The following ZMAT4 variants were observed in gnomAD, a reference collection of about 807,000 sequenced individuals.
ZMAT4 encodes the protein zinc finger matrin-type protein 4.
Under a neutral mutation model 28.7 loss-of-function variants are expected in ZMAT4, and 17 were observed. That is an observed-to-expected ratio of 0.59 (90% CI 0.41 to 0.89). The LOEUF (loss-of-function observed/expected upper bound fraction) is 0.89, where lower values mean the gene tolerates loss of function less well. Among genes scored for constraint, ZMAT4 ranks in the 40% least tolerant of loss-of-function variants. ZMAT4 has a pLI of 0.00. For missense variants in ZMAT4, 240 were observed against 283.8 expected, an observed-to-expected ratio of 0.85 and a Z score of 1.11; for synonymous variants, 117 against 109.2, an observed-to-expected ratio of 1.07 and a Z score of -0.44.
At chr8:40,751,786 A>G (rs969391977) in intron 3 of ZMAT4, among the ~76,000 whole-genome samples, 2 of 152,312 alleles carry the variant, frequency 1.3e-5, no homozygotes, top group Admixed American at 6.5e-5. Flanking sequence ...GTTGCTCTGT[A>G]AGACTTTCTA....
chr8:40,551,291 C>CA (rs1803362331), intron 6 of ZMAT4, among the ~76,000 whole-genome samples: 1 of 152,030 alleles, frequency 6.6e-6, no homozygotes, highest in South Asian at 2.1e-4. Flanking sequence ...TCAAAGAACC[C>CA]AGAAAAACAT....
intron 1 of ZMAT4, among the ~76,000 whole-genome samples, chr8:40,866,084 G>A (rs1295683676): frequency 1.3e-5 from 2 of 152,144 alleles, no homozygotes; most frequent in Non-Finnish European, 2.9e-5. Context: ...AAGGCATTCC[G>A]AAAATACACT....
intron 3 of ZMAT4, among the ~76,000 whole-genome samples, chr8:40,733,423 C>A (rs962794165): frequency 6.6e-6 from 1 of 152,144 alleles, no homozygotes; most frequent in Non-Finnish European, 1.5e-5. Flanking sequence ...CATGCCTAGT[C>A]ACAATGTTAA....
At chr8:40,704,982 A>G (rs1363474098) in intron 3 of ZMAT4, among the ~76,000 whole-genome samples, 2 of 152,222 alleles carry the variant, frequency 1.3e-5, no homozygotes, top group African/African-American at 4.8e-5. Context: ...TACAGGAAGG[A>G]TGGCATGAAC....
At chr8:40,796,319 T>C (rs545305411) in intron 2 of ZMAT4, among the ~76,000 whole-genome samples, 11 of 152,294 alleles carry the variant, frequency 7.2e-5, no homozygotes, top group African/African-American at 2.6e-4. Flanking sequence ...CATGCCACAT[T>C]TTCCTTCCCA....
chr8:40,829,652 A>G (rs1816204848), intron 1 of ZMAT4, among the ~76,000 whole-genome samples: 1 of 152,352 alleles, frequency 6.6e-6, no homozygotes, highest in Non-Finnish European at 1.5e-5. Flanking sequence ...AAGAAGAGAC[A>G]TACACACACC....
At position 40,602,710 on chromosome 8, in the gene ZMAT4, G is replaced by C. The variant is rs148918478; in HGVS notation, c.578-21449C>G. On this transcript the variant is annotated intron_variant, in intron 5 of 6. Coordinates refer to ENST00000297737, the MANE Select transcript of ZMAT4 (RefSeq NM_024645.3). ...TATTTATGTCCTTAGCCCACTTTTT[G>C]ATGATGGGATTATTTGGGGATTTTT... Among the ~76,000 whole-genome samples the C allele has an allele frequency of 3.6e-3, 543 of 152,022 alleles. 2 individuals carry two copies. Among genetic ancestry groups the C allele is most frequent in the African/African-American group, 0.013 (520 of 41,476 alleles).
At chr8:40,609,081 C>T (rs1805702865) in intron 5 of ZMAT4, among the ~76,000 whole-genome samples, 1 of 152,166 alleles carries the variant, frequency 6.6e-6, no homozygotes, top group Non-Finnish European at 1.5e-5. Flanking sequence ...GTTAGTCCTG[C>T]CTCCTATCTG....
chr8:40,886,052 A>G (rs1011357276), intron 1 of ZMAT4, among the ~76,000 whole-genome samples: 19 of 152,252 alleles, frequency 1.2e-4, no homozygotes, highest in African/African-American at 4.3e-4. Flanking sequence ...CATTCTGAGC[A>G]CTGAATAAAA....
chr8:40,566,362 T>C (rs1009329191), intron 6 of ZMAT4, among the ~76,000 whole-genome samples: 6 of 152,178 alleles, frequency 3.9e-5, no homozygotes, highest in African/African-American at 1.4e-4. Context: ...ATTGCCCAGA[T>C]CTTTTTTTAA....
chr8:40,823,781 C>CT lies in ZMAT4; in HGVS notation c.102+1793dup, dbSNP rs1360850900. Reference sequence around the variant, plus strand: ...GAAGTCCTTAATTTCAAACGATGGACTTTTTTAGATAATTCTTTAAAGCTC... The same window carrying CT: ...GAAGTCCTTAATTTCAAACGATGGACTTTTTTTAGATAATTCTTTAAAGCTC... On this transcript the variant is annotated intron_variant, in intron 2 of 6. Transcript: ENST00000297737. Among the ~76,000 whole-genome samples, 7 of 152,038 alleles carry CT rather than the reference C, an allele frequency of 4.6e-5. No homozygotes were observed. In the South Asian group the frequency reaches 8.3e-4, roughly 18 times the overall value.
chr8:40,810,440 A>G (rs1294633807), intron 2 of ZMAT4, among the ~76,000 whole-genome samples: 1 of 152,204 alleles, frequency 6.6e-6, no homozygotes, highest in Non-Finnish European at 1.5e-5. Flanking sequence ...CACATGTGGG[A>G]ATTAACACAC....
chr8:40,830,894 A>T (rs1219991226), intron 1 of ZMAT4, among the ~76,000 whole-genome samples: 1 of 152,178 alleles, frequency 6.6e-6, no homozygotes, highest in African/African-American at 2.4e-5. Context: ...GTAAAATAGG[A>T]GGAAAATTCT....
chr8:40,807,939 TTA>T (rs1248094765), intron 2 of ZMAT4, among the ~76,000 whole-genome samples: 42 of 152,208 alleles, frequency 2.8e-4, no homozygotes, highest in Non-Finnish European at 1.5e-5. Context: ...CATTTGATTT[TTA>T]TAATTATTTC....
chr8:40,879,690 C>T (rs531829958), intron 1 of ZMAT4, among the ~76,000 whole-genome samples: 20 of 151,962 alleles, frequency 1.3e-4, no homozygotes, highest in South Asian at 1.0e-3. Flanking sequence ...ATTTGAAAAC[C>T]GCAAAAAAAT....
intron 2 of ZMAT4, among the ~76,000 whole-genome samples, chr8:40,787,514 G>A (rs541912652): frequency 1.6e-4 from 24 of 152,296 alleles, no homozygotes; most frequent in Admixed American, 2.6e-4. Flanking sequence ...AGCAACCTCA[G>A]CATACAATTT....
chr8:40,646,903 C>T (rs894369125), intron 5 of ZMAT4, among the ~76,000 whole-genome samples: 3 of 152,200 alleles, frequency 2.0e-5, no homozygotes, highest in African/African-American at 7.2e-5. Flanking sequence ...TATACATATT[C>T]TTCTCAAGTG....
chr8:40,862,279 A>T (rs1405478648), intron 1 of ZMAT4, among the ~76,000 whole-genome samples: 1 of 151,802 alleles, frequency 6.6e-6, no homozygotes, highest in African/African-American at 2.4e-5. Context: ...AGGGACATGG[A>T]TGAAGCTGGA....
chr8:40,876,199 C>T (rs1818036211), intron 1 of ZMAT4, among the ~76,000 whole-genome samples: 2 of 152,176 alleles, frequency 1.3e-5, no homozygotes, highest in South Asian at 4.2e-4. Context: ...CCTGAGACAG[C>T]AAGACCAACC....
Sources: gnomAD v4.1 joint callset for allele counts (sites outside exome capture counted in the v4.1 genomes callset) on GRCh38, gnomAD v4.1.1 for gene constraint, MANE v1.5 for transcripts, NCBI Gene and HGNC (gene_info 2026-07-23, HGNC 2026-07-21) for gene names.